Variants in LIN7C observed in about 807,000 individuals in gnomAD.
LIN7C encodes lin-7 cell polarity scaffold C.
Under a neutral mutation model 24.7 loss-of-function variants are expected in LIN7C, and 17 were observed. The ratio of observed to expected loss-of-function variants is 0.69; its 90% CI spans 0.47 to 1.03. LIN7C has a LOEUF of 1.03. Among genes scored for constraint, LIN7C ranks in the 50% least tolerant of loss-of-function variants. The probability of loss-of-function intolerance (pLI) is 0.00; values close to 1 mark genes in which losing one functional copy is unlikely to be tolerated. For synonymous variants in LIN7C, 90 were observed against 83.4 expected (o/e 1.08, Z -0.43); for missense variants, 204 against 239.0 (o/e 0.85, Z 0.97).
chr11:27,503,585 C>T (rs1865245658), intron 1 of LIN7C, among the ~76,000 whole-genome samples: 1 of 152,156 alleles, frequency 6.6e-6, no homozygotes, highest in Non-Finnish European at 1.5e-5. Context: ...GCAATCTCCA[C>T]TCACTGCAAC....
At chr11:27,503,916 C>T (rs925688581) in intron 1 of LIN7C, among the ~76,000 whole-genome samples, 3 of 152,132 alleles carry the variant, frequency 2.0e-5, no homozygotes, top group Non-Finnish European at 2.9e-5. Flanking sequence ...CTCCAGGGTT[C>T]AAGTGATTCT....
rs1865144416 is a variant in LIN7C at position 27,494,538 on chromosome 11, G to A, written c.*4111C>T. The A allele has an allele frequency of 6.6e-6, 1 of 152,154 alleles. No individual in the cohort carries two copies. 9.4% of individuals were successfully genotyped at this position (152,154 alleles called of 1,614,324 possible). ...TTTCATAAACGTTATCTATTGTGTA[G>A]TTATATCAACTTTTTTCAAATCCAA... On this transcript the variant is annotated 3_prime_UTR_variant, in exon 5 of 5. Transcript: ENST00000278193.
At chr11:27,504,802 C>T (rs891482797) in intron 1 of LIN7C, among the ~76,000 whole-genome samples, 12 of 152,122 alleles carry the variant, frequency 7.9e-5, no homozygotes, top group Middle Eastern at 3.4e-3. Context: ...GGAATAAGGA[C>T]AAGAAAAAAA....
intron 3 of LIN7C, among the ~76,000 whole-genome samples, chr11:27,500,576 A>G (rs1187550632): frequency 2.0e-5 from 3 of 152,184 alleles, no homozygotes; most frequent in African/African-American, 7.2e-5. Flanking sequence ...TTTAAAGGGT[A>G]ATTATCTAGT....
intron 4 of LIN7C, 115 bp downstream of exon 4, chr11:27,499,244 G>A: frequency 1.3e-6 from 1 of 763,920 alleles, no homozygotes; most frequent in Non-Finnish European, 2.2e-6. Flanking sequence ...GTACTGCCTA[G>A]GATTCCCTCA....
In LIN7C at chr11:27,497,693, G is replaced by C. The variant is rs1297065457; in HGVS notation, c.*956C>G. ...GTAAGAATGTCTACTCTTGAAGCTA[G>C]TGAGGTTAAAGGTATTACTTTTCCT... On this transcript the variant is annotated 3_prime_UTR_variant, in exon 5 of 5. Coordinates refer to ENST00000278193, the MANE Select transcript of LIN7C (RefSeq NM_018362.4). The C allele has an allele frequency of 2.6e-5, 4 of 152,020 alleles. No individual in the cohort carries two copies. The allele number at this position is 152,020 out of a possible 1,614,324, so 9.4% of individuals were successfully genotyped here. A position where few individuals can be genotyped will look rare whatever the true frequency, so the allele number is the denominator to read the frequency against.
At chr11:27,504,010 G>A (rs1347759540) in intron 1 of LIN7C, among the ~76,000 whole-genome samples, 1 of 152,014 alleles carries the variant, frequency 6.6e-6, no homozygotes, top group African/African-American at 2.4e-5. Flanking sequence ...TAGAGACAGG[G>A]TTTCACCATG....
At position 27,497,438 on chromosome 11, in the gene LIN7C, G is replaced by A. The variant is rs1255493666; in HGVS notation, c.*1211C>T. On this transcript the variant is annotated 3_prime_UTR_variant, in exon 5 of 5. Transcript: ENST00000278193. ...CAGTCACAGTCCCACACTAATAGCT[G>A]CCTTTTAGTAAAATAGTGACATCCA... The A allele has an allele frequency of 6.6e-6, 1 of 152,444 alleles. No homozygotes were observed. Among genetic ancestry groups the A allele is most frequent in the Non-Finnish European group, 1.5e-5 (1 of 67,930 alleles). The allele number at this position is 152,444 out of a possible 1,614,324, so 9.4% of individuals were successfully genotyped here.
rs1204995316 is a variant in LIN7C, at chr11:27,495,878, T to G, written c.*2771A>C. The G allele has an allele frequency of 6.6e-6, 1 of 151,924 alleles. No homozygotes were observed. The highest frequency in any genetic ancestry group is 1.5e-5 in the Non-Finnish European group (1 of 68,034). 9.4% of individuals were successfully genotyped at this position (151,924 alleles called of 1,614,324 possible). Reference sequence around the variant, plus strand: ...CTATAATCCTAATGCTTTGGGAGGCTGAGGTGGAAGCCAAGGAGTTTCAGG... The same window carrying G: ...CTATAATCCTAATGCTTTGGGAGGCGGAGGTGGAAGCCAAGGAGTTTCAGG... On this transcript the variant is annotated 3_prime_UTR_variant, in exon 5 of 5. Coordinates refer to ENST00000278193, the MANE Select transcript of LIN7C (RefSeq NM_018362.4).
At chr11:27,503,190 G>GT (rs1865241968) in intron 1 of LIN7C, among the ~76,000 whole-genome samples, 1 of 152,174 alleles carries the variant, frequency 6.6e-6, no homozygotes, top group Non-Finnish European at 1.5e-5. Context: ...TTATACAAAT[G>GT]TATGAAGCAC....
rs149335638 is a variant in LIN7C at position 27,502,031 on chromosome 11, C to G, written c.38-111G>C. 19 of 651,226 alleles carry G rather than the reference C, an allele frequency of 2.9e-5. No individual in the cohort carries two copies. The East Asian group carries it at 4.7e-4, about 16-fold the overall frequency. The allele number at this position is 651,226 out of a possible 1,614,324, so 40.3% of individuals were successfully genotyped here. On this transcript the variant is annotated intron_variant, in intron 1 of 4. Transcript: ENST00000278193. The stretch of plus-strand genomic sequence containing the variant: ...CAAGGGCAAATAATATACAGACAAT[C>G]GAGGGGAAAAAAAGCATTGAATTTG...
Position 27,495,089 on chromosome 11 carries a change from A to G in LIN7C, c.*3560T>C, listed in dbSNP as rs1472935286. On this transcript the variant is annotated 3_prime_UTR_variant, in exon 5 of 5. Coordinates refer to ENST00000278193, the MANE Select transcript of LIN7C (RefSeq NM_018362.4). ...TATAATATCCATTTTAATTGTAAAC[A>G]AAGTACTTGAGCCAGACTACTTAAG... 2.0e-5 allele frequency: 3 copies of G among 152,674 alleles called. No individual in the cohort carries two copies. The highest frequency in any genetic ancestry group is 2.9e-5 in the Non-Finnish European group (2 of 68,050). 9.5% of individuals were successfully genotyped at this position (152,674 alleles called of 1,614,324 possible).
At chr11:27,506,669 T>C in intron 1 of LIN7C, 47 bp downstream of exon 1, 8 of 1,606,834 alleles carry the variant, frequency 5.0e-6, no homozygotes, top group African/African-American at 1.3e-5. Context: ...GACACAGCAC[T>C]CCCCCAACCC....
At chr11:27,506,070 AG>A (rs1865286659) in intron 1 of LIN7C, among the ~76,000 whole-genome samples, 1 of 152,214 alleles carries the variant, frequency 6.6e-6, no homozygotes, top group South Asian at 2.1e-4. Flanking sequence ...TTGCAATTGT[AG>A]GGTTTGTAAG....
rs1293654137 is a variant in LIN7C at position 27,498,750 on chromosome 11, C to T, written c.493G>A (p.Gly165Arg). The T allele has an allele frequency of 1.2e-6, 2 of 1,613,908 alleles. No individual in the cohort carries two copies. The highest frequency in any genetic ancestry group is 4.5e-5 in the East Asian group (2 of 44,852). The change falls in exon 5 of 5, where the codon GGA (glycine) becomes AGA (arginine). Residue 165 changes from glycine to arginine, a missense_variant. By Grantham distance (125) the Gly-to-Arg change is moderately radical. Transcript: ENST00000278193. The stretch of plus-strand genomic sequence containing the variant: ...TATCGTACCACTAATTTAACCTTTC[C>T]TTGTGCGGCTTTCAGCAGTTCTACA... ...KAVELLKAAQGKVKLVVRYTP... is the reference protein window; with the variant it reads ...KAVELLKAAQRKVKLVVRYTP...
chr11:27,494,579 C>T lies in LIN7C; in HGVS notation c.*4070G>A, dbSNP rs1865144901. 6.6e-6 allele frequency: 1 copy of T among 152,058 alleles called. No individual in the cohort carries two copies. The highest frequency in any genetic ancestry group is 1.5e-5 in the Non-Finnish European group (1 of 67,998). The allele number at this position is 152,058 out of a possible 1,614,324, so 9.4% of individuals were successfully genotyped here. On this transcript the variant is annotated 3_prime_UTR_variant, in exon 5 of 5. Coordinates refer to ENST00000278193, the MANE Select transcript of LIN7C (RefSeq NM_018362.4). ...TCAAATCCAAAGAACGAGGACATAA[C>T]TCATACAAATTTATTTTAAATAAGC...
In LIN7C at chr11:27,498,695, G is replaced by A. The variant is rs200780789; in HGVS notation, c.548C>T (p.Ser183Leu). Residue 183 changes from serine (S) to leucine (L), a missense_variant, in exon 5 of 5, where the codon TCG becomes TTG. By Grantham distance (145) the Ser-to-Leu change is moderately radical. Coordinates refer to ENST00000278193, the MANE Select transcript of LIN7C (RefSeq NM_018362.4). ...TGCTGATCTCATTTTTTCAAAGCGC[G>A]ACTCCATTTCTTCTAAGACTTTGGG... ...YTPKVLEEME[S>L]RFEKMRSAKR... The A allele has an allele frequency of 5.9e-5, 96 of 1,613,662 alleles. No individual in the cohort carries two copies. Among genetic ancestry groups the A allele is most frequent in the Non-Finnish European group, 7.5e-5 (89 of 1,179,848 alleles).
At chr11:27,502,250 G>A (rs935049176) in intron 1 of LIN7C, among the ~76,000 whole-genome samples, 3 of 152,196 alleles carry the variant, frequency 2.0e-5, no homozygotes, top group African/African-American at 4.8e-5. Context: ...TGACTCAAAT[G>A]TGACCGATAC....
rs1865156462 is a variant in LIN7C, at chr11:27,495,477, A to C, written c.*3172T>G. 1 of 152,138 alleles carries C rather than the reference A, an allele frequency of 6.6e-6. No homozygotes were observed. The highest frequency in any genetic ancestry group is 6.6e-5 in the Admixed American group (1 of 15,226). The allele number at this position is 152,138 out of a possible 1,614,324, so 9.4% of individuals were successfully genotyped here. Reference sequence around the variant, plus strand: ...AACAGAGCAAGACTCTGTCTCAAAAAAAAACAAAAACAAAAAACAAAAAAA... The same window carrying C: ...AACAGAGCAAGACTCTGTCTCAAAACAAAACAAAAACAAAAAACAAAAAAA... On this transcript the variant is annotated 3_prime_UTR_variant, in exon 5 of 5. Coordinates refer to ENST00000278193, the MANE Select transcript of LIN7C (RefSeq NM_018362.4).
Sources: gnomAD v4.1 joint callset for allele counts (sites outside exome capture counted in the v4.1 genomes callset) on GRCh38, gnomAD v4.1.1 for gene constraint, MANE v1.5 for transcripts, NCBI Gene and HGNC (gene_info 2026-07-23, HGNC 2026-07-21) for gene names.